Variants in GGA3 observed in about 807,000 individuals in gnomAD.
The protein encoded by GGA3 is ADP-ribosylation factor-binding protein GGA3.
In GGA3, 57 loss-of-function variants were observed where a neutral mutation model predicts 77.5. The ratio of observed to expected loss-of-function variants is 0.74; its 90% CI spans 0.59 to 0.92. GGA3 has a LOEUF of 0.92. GGA3 is among the 40% of genes least tolerant of loss of function. The pLI, the probability that GGA3 is intolerant of heterozygous loss-of-function variation, is 0.00. For missense variants in GGA3, 970 were observed against 914.9 expected (o/e 1.06, Z -0.78); for synonymous variants, 416 against 383.7 (o/e 1.08, Z -0.98).
intron 1 of GGA3, among the ~76,000 whole-genome samples, chr17:75,259,005 G>A (rs960893526): frequency 4.7e-5 from 7 of 149,326 alleles, no homozygotes; most frequent in Admixed American, 2.0e-4. Flanking sequence ...CGAGGCTGGA[G>A]TGCAGTGGCA....
In GGA3 at chr17:75,242,411, G is replaced by A. The variant is rs376272775; in HGVS notation, c.672C>T (p.Asn224=). 183 of 1,613,880 alleles carry A rather than the reference G, an allele frequency of 1.1e-4. No homozygotes were observed. The highest frequency in any genetic ancestry group is 1.5e-4 in the Admixed American group (9 of 59,986). The change falls in exon 8 of 17, where the codon AAC becomes AAT. Residue 224 remains asparagine (N), a synonymous_variant. Transcript: ENST00000537686. The part of the protein sequence containing the change: ...RLHTLEEVNN[N]VRLLSEMLLH... The stretch of plus-strand genomic sequence containing the variant: ...GCAGCATCTCACTGAGCAGTCTCAC[G>A]TTGTTGTTAACTTCCTCTAACGTGT...
At chr17:75,261,877 G>A (rs755858487), upstream of GGA3, 11 of 1,605,278 alleles carry the variant, frequency 6.9e-6, no homozygotes, top group African/African-American at 6.7e-5. Context: ...GGCAGTCCTT[G>A]TGGGGTCCTC....
rs139099203 is a variant in GGA3 at position 75,243,315 on chromosome 17, G to A, written c.424+132C>T. The A allele has an allele frequency of 1.4e-4, 176 of 1,261,126 alleles. 3 individuals are homozygous for A. In the African/African-American group the frequency reaches 2.0e-3, roughly 14 times the overall value. The allele number at this position is 1,261,126 out of a possible 1,614,324, so 78.1% of individuals were successfully genotyped here. On this transcript the variant is annotated intron_variant, in intron 5 of 16. Coordinates refer to ENST00000537686, the MANE Select transcript of GGA3 (RefSeq NM_138619.4). ...GCTACACCTTATCCCATCCAACTCC[G>A]ACTCAGCCTTGCCTGGGGACAAATG... is the stretch of plus-strand genomic sequence containing the variant.
intron 1 of GGA3, among the ~76,000 whole-genome samples, chr17:75,261,007 GCT>G (rs1421460407): frequency 2.6e-5 from 4 of 152,184 alleles, no homozygotes; most frequent in African/African-American, 9.7e-5. Flanking sequence ...CTCTATCATC[GCT>G]CTCTTTGGAA....
chr17:75,257,288 C>CCAA (rs1555591690), intron 1 of GGA3, among the ~76,000 whole-genome samples: 49 of 133,482 alleles, frequency 3.7e-4, no homozygotes, highest in Admixed American at 1.0e-3. Flanking sequence ...GCCCCCCCCC[C>CCAA]CAAAAAAAAC....
At position 75,261,543 on chromosome 17, in the gene GGA3, C is replaced by T. The variant is rs1299601758; in HGVS notation, c.40+5G>A. ...GGGCAGGCAGAAACGGCCGCGGCTA[C>T]TCACTGAGCCAGGACTCCAGGCTTT... On this transcript the variant is annotated splice_donor_5th_base_variant and intron_variant, in intron 1 of 16. Coordinates refer to ENST00000537686, the MANE Select transcript of GGA3 (RefSeq NM_138619.4). The T allele has an allele frequency of 1.3e-6, 2 of 1,527,204 alleles. No homozygotes were observed. The highest frequency in any genetic ancestry group is 4.3e-5 in the Admixed American group (2 of 46,932). 94.6% of individuals were successfully genotyped at this position (1,527,204 alleles called of 1,614,324 possible). A position where few individuals can be genotyped will look rare whatever the true frequency, so the allele number is the denominator to read the frequency against.
At chr17:75,251,224 C>G (rs901503710) in intron 1 of GGA3, among the ~76,000 whole-genome samples, 1 of 151,910 alleles carries the variant, frequency 6.6e-6, no homozygotes, top group Non-Finnish European at 1.5e-5. Context: ...GTTAAGCACC[C>G]GCAGACAATG....
At chr17:75,258,825 GT>G (rs141849647) in intron 1 of GGA3, among the ~76,000 whole-genome samples, 15 of 148,600 alleles carry the variant, frequency 1.0e-4, no homozygotes, top group African/African-American at 3.2e-4. Flanking sequence ...ACCATCTAGT[GT>G]TTTTTTTTTT....
At position 75,261,604 on chromosome 17, in the gene GGA3, C is replaced by A; in HGVS notation, c.-17G>T. ...CTCCGCCATATTGCAGCCGCCCGGCCCCGCGGCTTCAAAACTCGCGAGAGT... is the reference window on the plus strand; with the variant it reads ...CTCCGCCATATTGCAGCCGCCCGGCACCGCGGCTTCAAAACTCGCGAGAGT... On this transcript the variant is annotated 5_prime_UTR_variant, in exon 1 of 17. Transcript: ENST00000537686. 6.5e-7 allele frequency: 1 copy of A among 1,539,944 alleles called. No individual in the cohort carries two copies. The highest frequency in any genetic ancestry group is 2.0e-5 in the Admixed American group (1 of 48,808).
At chr17:75,261,759 C>T, upstream of GGA3, 1 of 1,146,360 alleles carries the variant, frequency 8.7e-7, no homozygotes, top group Non-Finnish European at 1.2e-6. Flanking sequence ...CCCCTTTGGA[C>T]CCCGGAGTGA....
chr17:75,239,090 G>A lies in GGA3; in HGVS notation c.1781-7C>T, dbSNP rs371160451. On this transcript the variant is annotated splice_polypyrimidine_tract_variant and splice_region_variant and intron_variant, in intron 14 of 16. Transcript: ENST00000537686. ...GTCACAGGAAGGGCACTGCCTGTAA[G>A]AACGTGACGTGAGTGTGGGAGGAGC... 194 of 1,611,054 alleles carry A rather than the reference G, an allele frequency of 1.2e-4. No homozygotes were observed. Among genetic ancestry groups the A allele is most frequent in the Non-Finnish European group, 1.6e-4 (189 of 1,179,190 alleles).
At chr17:75,239,176 T>C (rs2076432468) in intron 14 of GGA3, 93 bp from the exon 15 acceptor site, 3 of 1,206,490 alleles carry the variant, frequency 2.5e-6, no homozygotes, top group African/African-American at 3.0e-5. Flanking sequence ...TCCGTGGTCA[T>C]GATGAGTCCA....
chr17:75,256,094 C>T (rs1351997882), intron 1 of GGA3, among the ~76,000 whole-genome samples: 2 of 152,230 alleles, frequency 1.3e-5, no homozygotes, highest in Admixed American at 1.3e-4. Context: ...ACAACAACTC[C>T]TTTCCTTCCT....
rs1369806771 is a variant in GGA3 at position 75,238,902 on chromosome 17, A to G, written c.1950+12T>C. The G allele has an allele frequency of 2.5e-6, 4 of 1,612,744 alleles. No homozygotes were observed. The highest frequency in any genetic ancestry group is 3.4e-6 in the Non-Finnish European group (4 of 1,179,340). On this transcript the variant is annotated intron_variant, in intron 15 of 16. Coordinates refer to ENST00000537686, the MANE Select transcript of GGA3 (RefSeq NM_138619.4). ...AGATAAGGCCGTTTTGGCCCCAGGG[A>G]GACACTGGTACCTTGGGCACTGCAG...
intron 8 of GGA3, chr17:75,242,073 G>A: frequency 1.7e-6 from 1 of 571,868 alleles, no homozygotes. Context: ...GAGAGCAGGG[G>A]TGAGCACCGA....
chr17:75,251,055 T>C (rs952859684), intron 1 of GGA3, among the ~76,000 whole-genome samples: 4 of 152,068 alleles, frequency 2.6e-5, no homozygotes, highest in African/African-American at 9.7e-5. Flanking sequence ...CACTCCAGCC[T>C]GGGCCACAGA....
In GGA3 at chr17:75,239,479, C is replaced by T; in HGVS notation, c.1676G>A (p.Ser559Asn). 1 of 1,579,166 alleles carries T rather than the reference C, an allele frequency of 6.3e-7. No homozygotes were observed. The highest frequency in any genetic ancestry group is 8.5e-7 in the Non-Finnish European group (1 of 1,169,836). ...PLLPFSTGPG[S>N]PLFQPLSFQS... Reference sequence around the variant, plus strand: ...GAAACTCAGTGGCTGGAAGAGCGGGCTGCCGGGCCCCGTGGAGAAGGGCAG... The same window carrying T: ...GAAACTCAGTGGCTGGAAGAGCGGGTTGCCGGGCCCCGTGGAGAAGGGCAG... The change falls in exon 14 of 17, where the codon AGC (serine) becomes AAC (asparagine). Residue 559 changes from serine to asparagine, a missense_variant. By Grantham distance (46) the Ser-to-Asn change is conservative (BLOSUM62 1). Transcript: ENST00000537686.
chr17:75,239,628 C>T, intron 13 of GGA3, 57 bp from the exon 14 acceptor site: 1 of 1,477,800 alleles, frequency 6.8e-7, no homozygotes, highest in South Asian at 1.2e-5. Flanking sequence ...CTGCAGGACT[C>T]TCACCCAAGG....
intron 1 of GGA3, among the ~76,000 whole-genome samples, chr17:75,256,842 A>G (rs8068084): frequency 0.11 from 17,456 of 152,002 alleles, 2,888 homozygotes; most frequent in African/African-American, 0.36. Flanking sequence ...TCTTAGTCTA[A>G]GTAGACACTT....
Sources: allele counts gnomAD v4.1 joint callset (sites outside exome capture counted in the v4.1 genomes callset), GRCh38; gene constraint gnomAD v4.1.1; transcripts MANE v1.5; gene names NCBI Gene and HGNC (gene_info 2026-07-23, HGNC 2026-07-21).